Variants in CUBN observed in about 807,000 individuals in gnomAD.
The protein encoded by CUBN is 460 kDa receptor.
CUBN carries 282 observed loss-of-function variants against 405.3 expected under a neutral mutation model. That is an observed-to-expected ratio of 0.70 (90% confidence interval 0.63 to 0.77). The LOEUF (loss-of-function observed/expected upper bound fraction) is 0.77, where lower values mean the gene tolerates loss of function less well. Ranked by LOEUF, CUBN falls within the 30% of genes least tolerant of loss-of-function variation. The pLI is 0.00. For missense variants in CUBN, 4,514 were observed against 4,475.2 expected, an observed-to-expected ratio of 1.01 and a Z score of -0.25; for synonymous variants, 1,684 against 1,617.0, an observed-to-expected ratio of 1.04 and a Z score of -0.99.
Position 16,950,160 on chromosome 10 carries a change from C to T in CUBN, c.4970-49G>A, listed in dbSNP as rs113372040. On this transcript the variant is annotated intron_variant, in intron 33 of 66. Transcript: ENST00000377833. ...TCTCGTAAAGTACTGGCAAATAAAA[C>T]ATACAGGGAGATGGGGCAAGACGGG... The T allele has an allele frequency of 4.3e-5, 59 of 1,380,254 alleles. No individual in the cohort carries two copies. In the African/African-American group the frequency reaches 7.1e-4, roughly 17 times the overall value. 85.5% of individuals were successfully genotyped at this position (1,380,254 alleles called of 1,614,324 possible). A position where few individuals can be genotyped will look rare whatever the true frequency, so the allele number is the denominator to read the frequency against.
chr10:17,110,001 G>A (rs563042564), intron 9 of CUBN, among the ~76,000 whole-genome samples: 1 of 152,268 alleles, frequency 6.6e-6, no homozygotes, highest in East Asian at 1.9e-4. Context: ...CTTAGAAAGT[G>A]CTGACACTAA....
intron 22 of CUBN, among the ~76,000 whole-genome samples, chr10:17,060,064 T>A (rs1835470614): frequency 6.6e-6 from 1 of 152,008 alleles, no homozygotes; most frequent in Non-Finnish European, 1.5e-5. Flanking sequence ...AGATAAAATA[T>A]GAACCCAAGT....
At chr10:16,933,684 G>T (rs965113189) in intron 39 of CUBN, among the ~76,000 whole-genome samples, 7 of 151,912 alleles carry the variant, frequency 4.6e-5, no homozygotes, top group Middle Eastern at 3.2e-3. Flanking sequence ...AGGCAATTTT[G>T]AGTTGACAGA....
chr10:16,988,087 T>C (rs936422347), intron 29 of CUBN, among the ~76,000 whole-genome samples: 4 of 152,332 alleles, frequency 2.6e-5, no homozygotes, highest in African/African-American at 9.6e-5. Context: ...GCCCCAGGCC[T>C]GCTTGTAGGG....
intron 60 of CUBN, among the ~76,000 whole-genome samples, chr10:16,848,651 A>G (rs7089377): frequency 0.12 from 16,143 of 131,306 alleles, 2,088 homozygotes; most frequent in African/African-American, 0.3. Flanking sequence ...TTTTGAATTC[A>G]GCTTTAGGAC....
chr10:17,065,132 C>T (rs397812926), intron 22 of CUBN, among the ~76,000 whole-genome samples: 3 of 119,926 alleles, frequency 2.5e-5, no homozygotes, highest in South Asian at 2.6e-4. Flanking sequence ...CTCTCTCTCC[C>T]CCCCCCCCCA....
At chr10:16,935,058 GCTA>G (rs1842461369) in intron 39 of CUBN, among the ~76,000 whole-genome samples, 1 of 152,072 alleles carries the variant, frequency 6.6e-6, no homozygotes, top group African/African-American at 2.4e-5. Context: ...TTGCTTATTT[GCTA>G]CTGTTACCAT....
chr10:17,126,277 T>C (rs1837188815), intron 4 of CUBN, among the ~76,000 whole-genome samples: 1 of 152,246 alleles, frequency 6.6e-6, no homozygotes, highest in Non-Finnish European at 1.5e-5. Flanking sequence ...AAGCATGTAG[T>C]ACAGTTATAC....
intron 31 of CUBN, among the ~76,000 whole-genome samples, chr10:16,962,091 T>C (rs1238724473): frequency 6.6e-6 from 1 of 152,200 alleles, no homozygotes. Context: ...TTATTTTATG[T>C]TGTTGGGGAC....
At chr10:17,104,281 G>A (rs1465739779) in intron 12 of CUBN, 138 bp downstream of exon 12, 1 of 701,524 alleles carries the variant, frequency 1.4e-6, no homozygotes, top group Non-Finnish European at 2.5e-6. Flanking sequence ...TACCATTTCT[G>A]CAAGGAAAGA....
At chr10:16,859,427 T>C (rs1274630722) in intron 59 of CUBN, among the ~76,000 whole-genome samples, 2 of 152,110 alleles carry the variant, frequency 1.3e-5, no homozygotes, top group Admixed American at 6.6e-5. Flanking sequence ...CCTACCAGAA[T>C]GGCTAAAATA....
intron 28 of CUBN, among the ~76,000 whole-genome samples, chr10:17,015,240 G>C (rs1834296055): frequency 2.0e-5 from 3 of 152,132 alleles, no homozygotes; most frequent in Admixed American, 2.0e-4. Context: ...ATTTGGACTG[G>C]GTGGGCATTT....
At chr10:17,102,824 A>AC (rs1344455321) in intron 13 of CUBN, among the ~76,000 whole-genome samples, 5 of 151,140 alleles carry the variant, frequency 3.3e-5, no homozygotes, top group Admixed American at 3.3e-4. Context: ...CGCCATATTG[A>AC]CCAGACTGGT....
intron 29 of CUBN, among the ~76,000 whole-genome samples, chr10:16,986,725 T>C (rs1369921546): frequency 1.3e-5 from 2 of 151,674 alleles, no homozygotes; most frequent in Admixed American, 6.6e-5. Flanking sequence ...GCCAGCTTTC[T>C]TTCCCATTTT....
chr10:16,992,954 C>T (rs868645952), intron 28 of CUBN, among the ~76,000 whole-genome samples: 2 of 152,332 alleles, frequency 1.3e-5, no homozygotes, highest in Middle Eastern at 3.4e-3. Context: ...CCAAAATCAT[C>T]ACAGATTGTC....
At position 16,948,523 on chromosome 10, in the gene CUBN, T is replaced by C; in HGVS notation, c.5164A>G (p.Ile1722Val). 1.2e-6 allele frequency: 2 copies of C among 1,614,042 alleles called. No homozygotes were observed. Among genetic ancestry groups the C allele is most frequent in the South Asian group, 2.2e-5 (2 of 91,072 alleles). ...GTGGTGTGGAAACCCCCAGCACTGA[T>C]GCTAGAATCAGAGACGAATCTCAGC... ...LTLRFVSDSS[I>V]SAGGFHTTVT... is the part of the protein sequence containing the mutation. Residue 1722 changes from isoleucine to valine, a missense_variant, in exon 35 of 67, where the codon ATC becomes GTC. Coordinates refer to ENST00000377833, the MANE Select transcript of CUBN (RefSeq NM_001081.4).
At chr10:16,873,721 CAAAA>C (rs56307605) in intron 58 of CUBN, among the ~76,000 whole-genome samples, 4 of 116,484 alleles carry the variant, frequency 3.4e-5, no homozygotes, top group Admixed American at 8.4e-5. Context: ...GACCTTCTCT[CAAAA>C]AAAAAAAAAA....
intron 26 of CUBN, 106 bp downstream of exon 26, chr10:17,043,721 A>G: frequency 6.6e-7 from 1 of 1,506,250 alleles, no homozygotes; most frequent in Non-Finnish European, 9.2e-7. Context: ...CTAGGCACTG[A>G]ACAGCGAGTA....
intron 31 of CUBN, among the ~76,000 whole-genome samples, chr10:16,958,654 A>G (rs1843137045): frequency 6.6e-6 from 1 of 152,240 alleles, no homozygotes; most frequent in Non-Finnish European, 1.5e-5. Context: ...TTTCTATAAA[A>G]ATAAAGACAG....
Sources: allele counts gnomAD v4.1 joint callset (sites outside exome capture counted in the v4.1 genomes callset), GRCh38; gene constraint gnomAD v4.1.1; transcripts MANE v1.5; gene names NCBI Gene and HGNC (gene_info 2026-07-23, HGNC 2026-07-21).